Variants in NME7 observed in about 807,000 individuals in gnomAD.
NME7 encodes the protein nucleoside diphosphate kinase 7.
A neutral mutation model predicts 49.1 loss-of-function variants in NME7; 41 were observed. That is an observed-to-expected ratio of 0.83 (90% CI 0.65 to 1.08). NME7 has a LOEUF of 1.08. Among genes scored for constraint, NME7 ranks in the 50% least tolerant of loss-of-function variants. NME7 has a pLI of 0.00. For synonymous variants in NME7, 139 were observed against 150.6 expected (o/e 0.92, Z 0.56); for missense variants, 423 against 463.4 (o/e 0.91, Z 0.80).
At chr1:169,344,766 T>C (rs1406105231) in intron 1 of NME7, among the ~76,000 whole-genome samples, 1 of 152,214 alleles carries the variant, frequency 6.6e-6, no homozygotes, top group Non-Finnish European at 1.5e-5. Context: ...GATATTTTAC[T>C]GAAGATTTTT....
intron 10 of NME7, among the ~76,000 whole-genome samples, chr1:169,202,982 G>A (rs577805063): frequency 7.1e-4 from 108 of 152,176 alleles, no homozygotes; most frequent in South Asian, 1.9e-3. Flanking sequence ...GGGCAGGGAG[G>A]GTGGGTCCTC....
intron 11 of NME7, among the ~76,000 whole-genome samples, chr1:169,156,390 G>A (rs892501638): frequency 4.6e-5 from 7 of 152,114 alleles, no homozygotes; most frequent in African/African-American, 1.7e-4. Context: ...AATAGGTAGA[G>A]AAGATGCAAA....
chr1:169,351,203 T>C (rs1212880436), intron 1 of NME7, among the ~76,000 whole-genome samples: 1 of 152,078 alleles, frequency 6.6e-6, no homozygotes, highest in East Asian at 1.9e-4. Flanking sequence ...TACTTACAAT[T>C]TAGCGCCTAC....
intron 7 of NME7, among the ~76,000 whole-genome samples, chr1:169,269,507 T>G (rs3766086): frequency 0.089 from 11,922 of 133,350 alleles, 3,223 homozygotes; most frequent in East Asian, 0.76. Context: ...ATGAACTGCA[T>G]GAAGGAAATC....
At chr1:169,316,920 A>T (rs1180804169) in intron 3 of NME7, among the ~76,000 whole-genome samples, 1 of 139,272 alleles carries the variant, frequency 7.2e-6, no homozygotes, top group Non-Finnish European at 1.6e-5. Flanking sequence ...ACTTCAATAG[A>T]AAACCATATA....
intron 9 of NME7, among the ~76,000 whole-genome samples, chr1:169,231,504 C>T (rs1307501853): frequency 6.6e-6 from 1 of 152,128 alleles, no homozygotes; most frequent in Non-Finnish European, 1.5e-5. Flanking sequence ...GGAAAGAATA[C>T]TGGAGAGATG....
intron 1 of NME7, among the ~76,000 whole-genome samples, chr1:169,352,348 T>A (rs574451826): frequency 6.6e-6 from 1 of 152,226 alleles, no homozygotes; most frequent in African/African-American, 2.4e-5. Flanking sequence ...TTTCCATTGA[T>A]GCCGAAAAAG....
intron 6 of NME7, among the ~76,000 whole-genome samples, chr1:169,287,661 G>A (rs1233447919): frequency 6.6e-6 from 1 of 151,986 alleles, no homozygotes; most frequent in Non-Finnish European, 1.5e-5. Flanking sequence ...TTTGTTCCAG[G>A]AATATAGTGG....
At chr1:169,226,532 T>C (rs941390869) in intron 10 of NME7, among the ~76,000 whole-genome samples, 2 of 152,130 alleles carry the variant, frequency 1.3e-5, no homozygotes, top group African/African-American at 4.8e-5. Flanking sequence ...ATAGTATTTC[T>C]TCTGATTTGA....
chr1:169,148,876 C>T (rs1658831422), intron 11 of NME7, among the ~76,000 whole-genome samples: 1 of 152,234 alleles, frequency 6.6e-6, no homozygotes, highest in Non-Finnish European at 1.5e-5. Context: ...ATATGTGGAT[C>T]AAAGCCATGT....
Position 169,326,851 on chromosome 1 carries a change from C to T in NME7, c.4-2351G>A, listed in dbSNP as rs1209698477. Among the ~76,000 whole-genome samples the T allele has an allele frequency of 3.3e-5, 5 of 152,160 alleles. No homozygotes were observed. The East Asian group carries it at 5.8e-4, about 18-fold the overall frequency. ...TGCCTGACACACATGCACATACACA[C>T]ACCATCCAGACCAAAGCCACCCTTA... On this transcript the variant is annotated intron_variant, in intron 1 of 11. Transcript: ENST00000367811.
At chr1:169,176,606 C>T (rs1659758596) in intron 10 of NME7, among the ~76,000 whole-genome samples, 1 of 152,098 alleles carries the variant, frequency 6.6e-6, no homozygotes, top group Non-Finnish European at 1.5e-5. Flanking sequence ...GACCACATGG[C>T]ATCGTAACTA....
At chr1:169,300,642 G>C (rs1489885357) in intron 5 of NME7, among the ~76,000 whole-genome samples, 2 of 151,990 alleles carry the variant, frequency 1.3e-5, no homozygotes, top group African/African-American at 4.8e-5. Context: ...AAGGTTCCAT[G>C]AACATTGCTT....
At chr1:169,329,252 C>A (rs1652174043) in intron 1 of NME7, among the ~76,000 whole-genome samples, 1 of 151,952 alleles carries the variant, frequency 6.6e-6, no homozygotes, top group Non-Finnish European at 1.5e-5. Flanking sequence ...TCTCACTCTA[C>A]CGCTCCAAGC....
chr1:169,218,203 C>G (rs1044274724), intron 10 of NME7, among the ~76,000 whole-genome samples: 1 of 152,054 alleles, frequency 6.6e-6, no homozygotes, highest in Non-Finnish European at 1.5e-5. Context: ...AGTTTCTTAC[C>G]GTAGTACAAC....
rs1213286062 is a variant in NME7 at position 169,136,085 on chromosome 1, T to C, written c.1099-3268A>G. Among the ~76,000 whole-genome samples the C allele has an allele frequency of 2.6e-5, 4 of 151,428 alleles. No homozygotes were observed. In the East Asian group the frequency reaches 7.9e-4, roughly 30 times the overall value. On this transcript the variant is annotated intron_variant, in intron 11 of 11. Coordinates refer to ENST00000367811, the MANE Select transcript of NME7 (RefSeq NM_013330.5). ...AGACCAGGCAGGAGGTGACACGGGT[T>C]AATTTAAAACAGCCAGCCACATATA...
intron 3 of NME7, among the ~76,000 whole-genome samples, chr1:169,320,639 G>C (rs977891975): frequency 1.3e-5 from 2 of 152,006 alleles, no homozygotes; most frequent in Non-Finnish European, 2.9e-5. Flanking sequence ...GAAACTCTTC[G>C]GTTTGGAAGA....
intron 11 of NME7, among the ~76,000 whole-genome samples, chr1:169,142,354 A>G (rs12083249): frequency 0.042 from 6,372 of 152,330 alleles, 213 homozygotes; most frequent in East Asian, 0.13. Context: ...GCTAAGCCAG[A>G]ATAAGATAAG....
chr1:169,247,085 T>C (rs1246670778), intron 7 of NME7: 1 of 456,070 alleles, frequency 2.2e-6, no homozygotes, highest in Non-Finnish European at 4.4e-6. Flanking sequence ...AGGCTCAGCA[T>C]GCAAAGGAAG....
Sources: gnomAD v4.1 joint callset for allele counts (sites outside exome capture counted in the v4.1 genomes callset) on GRCh38, gnomAD v4.1.1 for gene constraint, MANE v1.5 for transcripts, NCBI Gene and HGNC (gene_info 2026-07-23, HGNC 2026-07-21) for gene names.